Variants in CFAP54 observed in about 807,000 individuals in gnomAD.
CFAP54 encodes the protein cilia- and flagella-associated protein 54.
CFAP54 carries 290 observed loss-of-function variants against 370.4 expected under a neutral mutation model. That is an observed-to-expected ratio of 0.78 (90% confidence interval 0.71 to 0.86). The LOEUF (loss-of-function observed/expected upper bound fraction) is 0.86. Among genes scored for constraint, CFAP54 ranks in the 40% least tolerant of loss-of-function variants. The pLI is 0.00. For synonymous variants in CFAP54, 1,206 were observed against 1,236.5 expected, an observed-to-expected ratio of 0.98 and a Z score of 0.52; for missense variants, 3,399 against 3,528.7, an observed-to-expected ratio of 0.96 and a Z score of 0.93.
At chr12:96,784,348 G>A (rs1958608805) in intron 60 of CFAP54, among the ~76,000 whole-genome samples, 2 of 151,886 alleles carry the variant, frequency 1.3e-5, no homozygotes, top group South Asian at 4.2e-4. Flanking sequence ...CTAATTTTTA[G>A]TGATGCTAAA....
intron 23 of CFAP54, among the ~76,000 whole-genome samples, chr12:96,590,461 G>A (rs764217614): frequency 7.2e-5 from 11 of 152,152 alleles, no homozygotes; most frequent in Non-Finnish European, 1.5e-4. Flanking sequence ...GGTTGTTAAT[G>A]CCTGAAAGTT....
chr12:96,508,020 A>G (rs1345650017), intron 4 of CFAP54, among the ~76,000 whole-genome samples: 1 of 151,892 alleles, frequency 6.6e-6, no homozygotes, highest in African/African-American at 2.4e-5. Flanking sequence ...CAGCAGTTCC[A>G]TGTTAGGCCC....
intron 33 of CFAP54, among the ~76,000 whole-genome samples, chr12:96,644,917 T>C (rs1426036050): frequency 6.6e-6 from 1 of 152,218 alleles, no homozygotes; most frequent in African/African-American, 2.4e-5. Flanking sequence ...TCTTAAGTTT[T>C]AATCTCAGAA....
chr12:96,660,560 A>C (rs552820129), intron 38 of CFAP54, among the ~76,000 whole-genome samples: 1 of 152,308 alleles, frequency 6.6e-6, no homozygotes, highest in East Asian at 1.9e-4. Flanking sequence ...AACTAGTAAG[A>C]CAAGTCTATC....
rs138683931 is a variant in CFAP54, at chr12:96,777,529, A to C, written c.8282-7188A>C. ...CATGCCCGGCTAATTTTGTATTTTTAGTAGAGACGGGGTTTCTCCATGTTG... is the reference window on the plus strand; with the variant it reads ...CATGCCCGGCTAATTTTGTATTTTTCGTAGAGACGGGGTTTCTCCATGTTG... On this transcript the variant is annotated intron_variant, in intron 60 of 67. Transcript: ENST00000524981. Among the ~76,000 whole-genome samples the C allele has an allele frequency of 9.6e-3, 1,460 of 152,104 alleles. 56 individuals are homozygous for C. The East Asian group carries it at 0.1, about 11-fold the overall frequency.
At chr12:96,630,034 T>G in intron 30 of CFAP54, 59 bp from the exon 31 acceptor site, 1 of 719,882 alleles carries the variant, frequency 1.4e-6, no homozygotes, top group South Asian at 2.0e-5. Context: ...ACATATTACT[T>G]TGGGGTAGTT....
chr12:96,610,905 G>A (rs1353401132), intron 26 of CFAP54, among the ~76,000 whole-genome samples: 3 of 152,222 alleles, frequency 2.0e-5, no homozygotes, highest in African/African-American at 7.2e-5. Context: ...CGAACTGGGT[G>A]GAGCCCACCG....
chr12:96,820,843 A>G (rs548253030), intron 65 of CFAP54, among the ~76,000 whole-genome samples: 1 of 152,300 alleles, frequency 6.6e-6, no homozygotes, highest in East Asian at 1.9e-4. Context: ...CTACAATGAC[A>G]GTTTTTAAGC....
chr12:96,859,330 A>G (rs951554532), intron 66 of CFAP54, among the ~76,000 whole-genome samples: 3 of 152,236 alleles, frequency 2.0e-5, no homozygotes, highest in Non-Finnish European at 1.5e-5. Flanking sequence ...CCAGTTTCAC[A>G]TAGCTGGTAA....
At chr12:96,830,483 G>A (rs955180964) in intron 66 of CFAP54, among the ~76,000 whole-genome samples, 3 of 151,998 alleles carry the variant, frequency 2.0e-5, no homozygotes, top group Admixed American at 2.0e-4. Context: ...ATCTTTTCAT[G>A]GGCTTATTGA....
chr12:96,826,191 T>C (rs1959099983), intron 65 of CFAP54, among the ~76,000 whole-genome samples: 1 of 145,784 alleles, frequency 6.9e-6, no homozygotes, highest in African/African-American at 2.5e-5. Context: ...CAAAACTCCA[T>C]TATATCTAAG....
chr12:96,537,756 T>C (rs1360274093), intron 12 of CFAP54, among the ~76,000 whole-genome samples: 2 of 152,172 alleles, frequency 1.3e-5, no homozygotes, highest in African/African-American at 4.8e-5. Flanking sequence ...GGGAATTTTC[T>C]TTTTAGAGAG....
chr12:96,516,935 T>C (rs1049737967), intron 5 of CFAP54, among the ~76,000 whole-genome samples: 4 of 152,050 alleles, frequency 2.6e-5, no homozygotes, highest in Non-Finnish European at 5.9e-5. Context: ...TATTTCCTGC[T>C]CAACACCTGC....
intron 61 of CFAP54, among the ~76,000 whole-genome samples, chr12:96,785,772 T>C (rs1207222592): frequency 6.6e-6 from 1 of 152,206 alleles, no homozygotes; most frequent in East Asian, 1.9e-4. Flanking sequence ...TGCCCTGGGC[T>C]TTCTTTGAAA....
intron 56 of CFAP54, among the ~76,000 whole-genome samples, chr12:96,755,521 C>T (rs1422296789): frequency 6.6e-6 from 1 of 152,086 alleles, no homozygotes; most frequent in African/African-American, 2.4e-5. Flanking sequence ...TGAGATCACG[C>T]AATATTTGTC....
intron 1 of CFAP54, among the ~76,000 whole-genome samples, chr12:96,493,319 A>G (rs1421171933): frequency 3.3e-5 from 5 of 152,194 alleles, no homozygotes; most frequent in African/African-American, 7.2e-5. Flanking sequence ...TAGATGTTCA[A>G]TGAGTCATTA....
At chr12:96,699,453 T>C (rs1378738552) in intron 45 of CFAP54, among the ~76,000 whole-genome samples, 1 of 152,272 alleles carries the variant, frequency 6.6e-6, no homozygotes, top group Admixed American at 6.5e-5. Context: ...AATTTACCTA[T>C]GTAACAAACC....
chr12:96,697,337 T>C (rs930715936), intron 45 of CFAP54, among the ~76,000 whole-genome samples: 4 of 152,170 alleles, frequency 2.6e-5, no homozygotes, highest in Admixed American at 2.0e-4. Context: ...TGTTTCCTCC[T>C]AGGGGTAATG....
At position 96,663,816 on chromosome 12, in the gene CFAP54, C is replaced by T. The variant is rs1253346381; in HGVS notation, c.5461-14C>T. ...ATACCCGACTAATATTTGTTTTCAC[C>T]TTTCTTTTTAAAGATAACTTGCCGA... On this transcript the variant is annotated splice_polypyrimidine_tract_variant and intron_variant, in intron 38 of 67. Transcript: ENST00000524981. 6.3e-7 allele frequency: 1 copy of T among 1,591,400 alleles called. No homozygotes were observed. Among genetic ancestry groups the T allele is most frequent in the East Asian group, 2.2e-5 (1 of 44,660 alleles).
Sources: allele counts gnomAD v4.1 joint callset (sites outside exome capture counted in the v4.1 genomes callset), GRCh38; gene constraint gnomAD v4.1.1; transcripts MANE v1.5; gene names NCBI Gene and HGNC (gene_info 2026-07-23, HGNC 2026-07-21).